The following PRRC2B variants were observed in gnomAD, a reference collection of about 807,000 sequenced individuals.
PRRC2B encodes the protein protein PRRC2B.
PRRC2B carries 68 observed loss-of-function variants against 242.3 expected under a neutral mutation model. The observed-to-expected ratio is 0.28, with a 90% CI of 0.23 to 0.34. The LOEUF (loss-of-function observed/expected upper bound fraction) is 0.34, where lower values mean the gene tolerates loss of function less well. Ranked by LOEUF, PRRC2B falls within the 10% of genes least tolerant of loss-of-function variation. The pLI is 1.00. For synonymous variants in PRRC2B, 1,228 were observed against 1,173.6 expected, an observed-to-expected ratio of 1.05 and a Z score of -0.95; for missense variants, 2,835 against 2,954.8, an observed-to-expected ratio of 0.96 and a Z score of 0.94.
chr9:131,434,816 T>C (rs1838292579), intron 3 of PRRC2B, among the ~76,000 whole-genome samples: 1 of 152,156 alleles, frequency 6.6e-6, no homozygotes, highest in Non-Finnish European at 1.5e-5. Flanking sequence ...GCAGAAACCT[T>C]CATTCGGCCA....
Position 131,474,579 on chromosome 9 carries a change from A to G in PRRC2B, c.2450A>G (p.Asp817Gly), listed in dbSNP as rs1359477015. Residue 817 changes from aspartate to glycine, a missense_variant, in exon 16 of 32, where the codon GAC becomes GGC. By Grantham distance (94) the Asp-to-Gly change is moderately conservative. Transcript: ENST00000683519. ...GACAAGAAGGCCCAAGCAGACTTTG[A>G]CAGCTGTATCTCTTCTCAAAGAATA... ...AFDKKAQADF[D>G]SCISSQRIGQ... 1 of 1,613,888 alleles carries G rather than the reference A, an allele frequency of 6.2e-7. No individual in the cohort carries two copies. The highest frequency in any genetic ancestry group is 2.2e-5 in the East Asian group (1 of 44,880).
intron 13 of PRRC2B, 136 bp from the exon 14 acceptor site, chr9:131,470,652 T>C: frequency 1.5e-6 from 1 of 664,478 alleles, no homozygotes; most frequent in Non-Finnish European, 2.6e-6. Flanking sequence ...CAGCTGCCCA[T>C]CCCTCCCCTC....
intron 1 of PRRC2B, among the ~76,000 whole-genome samples, chr9:131,424,692 A>G (rs1418519088): frequency 6.6e-6 from 1 of 152,126 alleles, no homozygotes; most frequent in Non-Finnish European, 1.5e-5. Flanking sequence ...TCTCAAAAAA[A>G]GAAAAGAAAA....
upstream of PRRC2B, among the ~76,000 whole-genome samples, chr9:131,393,906 C>A (rs964783422): frequency 4.0e-5 from 6 of 151,220 alleles, no homozygotes; most frequent in Admixed American, 2.0e-4. Context: ...CCCCGCCCCT[C>A]CCCCCTGGCC....
At chr9:131,396,685 C>A (rs1251946522) in intron 1 of PRRC2B, among the ~76,000 whole-genome samples, 2 of 152,098 alleles carry the variant, frequency 1.3e-5, no homozygotes, top group Non-Finnish European at 2.9e-5. Flanking sequence ...GTGACTTCCC[C>A]ACCCCAAATT....
chr9:131,433,549 A>G (rs541305174), intron 3 of PRRC2B, among the ~76,000 whole-genome samples: 5 of 152,330 alleles, frequency 3.3e-5, no homozygotes, highest in African/African-American at 1.2e-4. Context: ...TGCTAAGACA[A>G]TTCAGGGAAG....
At chr9:131,458,879 T>C (rs1330397774) in intron 10 of PRRC2B, among the ~76,000 whole-genome samples, 2 of 151,588 alleles carry the variant, frequency 1.3e-5, no homozygotes, top group South Asian at 4.1e-4. Context: ...CTGGGCCACA[T>C]GTGGTTGGAC....
chr9:131,483,168 A>G (rs1490915257), intron 22 of PRRC2B, among the ~76,000 whole-genome samples, 191 bp from the exon 23 acceptor site: 1 of 152,198 alleles, frequency 6.6e-6, no homozygotes, highest in Non-Finnish European at 1.5e-5. Context: ...ACAGGGAGAA[A>G]GAAGTGAGGC....
chr9:131,482,735 G>A lies in PRRC2B; in HGVS notation c.5201G>A (p.Ser1734Asn), dbSNP rs1180316769. ...QKDSEQGSGQ[S>N]KEHRPGPIGN... ...GATTCAGAACAAGGCTCTGGACAGA[G>A]CAAGGAGCACAGACCAGGACCCATC... The change falls in exon 22 of 32, where the codon AGC becomes AAC. Residue 1734 changes from serine to asparagine, a missense_variant. By Grantham distance (46) the Ser-to-Asn change is conservative. Coordinates refer to ENST00000683519, the MANE Select transcript of PRRC2B (RefSeq NM_013318.4). This position sits in a 1 kb window ranked among gnomAD's most constrained non-coding sequence, Gnocchi z 5.2. The A allele has an allele frequency of 1.9e-6, 3 of 1,604,354 alleles. No homozygotes were observed. Among genetic ancestry groups the A allele is most frequent in the African/African-American group, 1.3e-5 (1 of 74,510 alleles).
chr9:131,395,731 G>C (rs1837033137), intron 1 of PRRC2B, among the ~76,000 whole-genome samples: 1 of 152,220 alleles, frequency 6.6e-6, no homozygotes, highest in South Asian at 2.1e-4. Flanking sequence ...GGACAATACA[G>C]AAGGAATTCA....
rs754661321 is a variant in PRRC2B, at chr9:131,448,543, CAAAAAAAAAA to C, written c.1120+757_1120+766del. 2.8e-3 allele frequency among the ~76,000 whole-genome samples: 113 copies of C among 39,894 alleles called. 11 individuals are homozygous for C. The highest frequency in any genetic ancestry group is 0.022 in the East Asian group (37 of 1,680). The allele number at this position is 39,894 out of a possible 152,430, so 26.2% of individuals were successfully genotyped here. ...TGGGCGACAGAGGGAGACACTGTCTCAAAAAAAAAAAAAAAAAAAAAAAAAAAGGAAAGAG... is the reference window on the plus strand; with the variant it reads ...TGGGCGACAGAGGGAGACACTGTCTCAAAAAAAAAAAAAAAAAGGAAAGAG... On this transcript the variant is annotated intron_variant, in intron 9 of 31. Coordinates refer to ENST00000683519, the MANE Select transcript of PRRC2B (RefSeq NM_013318.4).
intron 1 of PRRC2B, among the ~76,000 whole-genome samples, chr9:131,381,443 G>A (rs1836758121): frequency 1.4e-5 from 2 of 139,694 alleles, no homozygotes; most frequent in Non-Finnish European, 3.1e-5. Flanking sequence ...TTTTGAGACG[G>A]AGTCTTGCTC....
At position 131,487,836 on chromosome 9, in the gene PRRC2B, C is replaced by G; in HGVS notation, c.5985-20C>G. The G allele has an allele frequency of 6.3e-7, 1 of 1,597,092 alleles. No homozygotes were observed. The highest frequency in any genetic ancestry group is 1.7e-5 in the Admixed American group (1 of 59,640). On this transcript the variant is annotated intron_variant, in intron 27 of 31. Coordinates refer to ENST00000683519, the MANE Select transcript of PRRC2B (RefSeq NM_013318.4). The surrounding 1 kb of genome is among the most constrained non-coding windows in gnomAD (Gnocchi z 5.3). ...CTGGACTCATCCACCTGATCCCGAC[C>G]ATCTGTCTGGCTTTTGCAGATCTCA...
intron 5 of PRRC2B, among the ~76,000 whole-genome samples, chr9:131,442,455 C>T (rs1043652341): frequency 6.6e-6 from 1 of 152,120 alleles, no homozygotes; most frequent in African/African-American, 2.4e-5. Flanking sequence ...CACTGGAGCT[C>T]CTTCATGACA....
chr9:131,432,224 A>C (rs17147863), intron 2 of PRRC2B, among the ~76,000 whole-genome samples: 4,310 of 152,202 alleles, frequency 0.028, 190 homozygotes, highest in African/African-American at 0.097. Context: ...CTTGTTTTGG[A>C]TCTAGGCAGA....
chr9:131,490,243 AC>A (rs1219489597), intron 28 of PRRC2B, among the ~76,000 whole-genome samples: 1 of 138,434 alleles, frequency 7.2e-6, no homozygotes, highest in African/African-American at 2.7e-5. Flanking sequence ...TCACCCCCTT[AC>A]CCTTCAGCAG....
chr9:131,409,573 AT>A (rs996343866), intron 1 of PRRC2B, among the ~76,000 whole-genome samples: 80 of 152,306 alleles, frequency 5.3e-4, no homozygotes, highest in African/African-American at 1.8e-3. Flanking sequence ...ACTCGCATGC[AT>A]TTCAGTACAG....
intron 1 of PRRC2B, among the ~76,000 whole-genome samples, chr9:131,417,587 C>T (rs1206163918): frequency 2.6e-5 from 4 of 152,120 alleles, no homozygotes; most frequent in Non-Finnish European, 4.4e-5. Context: ...ATCTTTCAGT[C>T]TGTGAAATCT....
In PRRC2B at chr9:131,464,375, C is replaced by G. The variant is rs899681002; in HGVS notation, c.1405-388C>G. Among the ~76,000 whole-genome samples, 3 of 152,296 alleles carry G rather than the reference C, an allele frequency of 2.0e-5. No individual in the cohort carries two copies. The East Asian group carries it at 5.8e-4, about 29-fold the overall frequency. On this transcript the variant is annotated intron_variant, in intron 11 of 31. Transcript: ENST00000683519. Reference sequence around the variant, plus strand: ...GCAGTTTTCGTGACCCAGGAATGATCAGTGTGTGGCTTCCTGTTCCGGTTC... The same window carrying G: ...GCAGTTTTCGTGACCCAGGAATGATGAGTGTGTGGCTTCCTGTTCCGGTTC...
Sources: gnomAD v4.1 joint callset for allele counts (sites outside exome capture counted in the v4.1 genomes callset) on GRCh38, gnomAD v4.1.1 for gene constraint, Gnocchi (gnomAD v3.1) non-coding constraint, MANE v1.5 for transcripts, NCBI Gene and HGNC (gene_info 2026-07-23, HGNC 2026-07-21) for gene names.